DNAH11: variants seen among roughly 807,000 people sequenced by gnomAD.
The protein encoded by DNAH11 is dynein axonemal heavy chain 11.
In DNAH11, 442 loss-of-function variants were observed where a neutral mutation model predicts 526.0. That is an observed-to-expected ratio of 0.84 (90% CI 0.78 to 0.91). DNAH11 has a LOEUF of 0.91. Among genes scored for constraint, DNAH11 ranks in the 40% least tolerant of loss-of-function variants. DNAH11 has a pLI of 0.00. For synonymous variants in DNAH11, 2,461 were observed against 1,935.9 expected (o/e 1.27, Z -7.12); for missense variants, 6,989 against 5,448.7 (o/e 1.28, Z -8.90).
At position 21,894,651 on chromosome 7, in the gene DNAH11, A is replaced by G; in HGVS notation, c.12779A>G (p.Glu4260Gly). 1 of 1,613,920 alleles carries G rather than the reference A, an allele frequency of 6.2e-7. No individual in the cohort carries two copies. The highest frequency in any genetic ancestry group is 8.5e-7 in the Non-Finnish European group (1 of 1,179,872). ...KVKNVLDDILEKLPEEFNMAE... is the reference protein window; with the variant it reads ...KVKNVLDDILGKLPEEFNMAE... ...AAGAATGTCTTGGATGACATTTTGG[A>G]GAAACTTCCAGAAGAGTTCAACATG... is the stretch of plus-strand genomic sequence containing the variant. The change falls in exon 78 of 82, where the codon GAG (glutamate) becomes GGG (glycine). Residue 4260 changes from glutamate (E) to glycine (G), a missense_variant. Glu to Gly is a moderately conservative substitution (Grantham distance 98). Coordinates refer to ENST00000409508, the MANE Select transcript of DNAH11 (RefSeq NM_001277115.2).
chr7:21,559,758 T>C lies in DNAH11; in HGVS notation c.848T>C (p.Met283Thr). 1 of 1,606,310 alleles carries C rather than the reference T, an allele frequency of 6.2e-7. No homozygotes were observed. The highest frequency in any genetic ancestry group is 8.5e-7 in the Non-Finnish European group (1 of 1,175,914). ...SPQAELDFWM[M>T]RRENLSCIYD... Reference sequence around the variant, plus strand: ...CAAGCAGAACTAGATTTCTGGATGATGAGGAGAGAAAATCTGTCATGCATT... The same window carrying C: ...CAAGCAGAACTAGATTTCTGGATGACGAGGAGAGAAAATCTGTCATGCATT... Residue 283 changes from methionine to threonine, a missense_variant, in exon 4 of 82, where the codon ATG becomes ACG. Physicochemically the swap from Met to Thr is moderately conservative, Grantham distance 81. Transcript: ENST00000409508.
chr7:21,733,798 C>G (rs1785489703), intron 45 of DNAH11, among the ~76,000 whole-genome samples: 4 of 152,110 alleles, frequency 2.6e-5, no homozygotes, highest in Admixed American at 1.3e-4. Context: ...GTAATGCAAT[C>G]CTTACATCAA....
At chr7:21,806,711 C>T (rs1208895711) in intron 62 of DNAH11, among the ~76,000 whole-genome samples, 1 of 152,080 alleles carries the variant, frequency 6.6e-6, no homozygotes, top group Non-Finnish European at 1.5e-5. Context: ...TTTGCATGTT[C>T]TTAAAATGTA....
At chr7:21,869,467 T>TG (rs112612507) in intron 73 of DNAH11, among the ~76,000 whole-genome samples, 9,829 of 150,430 alleles carry the variant, frequency 0.065, 499 homozygotes, top group African/African-American at 0.13. Context: ...CATTGAAGGG[T>TG]GGGGGGAATG....
chr7:21,609,289 C>G (rs900582831), intron 20 of DNAH11, among the ~76,000 whole-genome samples: 1 of 152,142 alleles, frequency 6.6e-6, no homozygotes, highest in Non-Finnish European at 1.5e-5. Context: ...GATCTCAGCT[C>G]ACTACAACCT....
chr7:21,709,540 G>A (rs1442065145), intron 40 of DNAH11, among the ~76,000 whole-genome samples: 1 of 152,144 alleles, frequency 6.6e-6, no homozygotes. Flanking sequence ...GTATACCCAT[G>A]CAACAAACCT....
At chr7:21,720,127 C>T (rs10257510) in intron 43 of DNAH11, among the ~76,000 whole-genome samples, 54,630 of 152,108 alleles carry the variant, frequency 0.36, 10,449 homozygotes, top group South Asian at 0.45. Flanking sequence ...AAATTTAGTT[C>T]GGTGTCCAAA....
At chr7:21,561,373 G>A (rs1783453406) in intron 5 of DNAH11, 1 of 430,484 alleles carries the variant, frequency 2.3e-6, no homozygotes, top group South Asian at 5.5e-5. Flanking sequence ...GTATATAGTA[G>A]TACCTGCCAA....
chr7:21,778,098 T>C (rs573318787), intron 56 of DNAH11, among the ~76,000 whole-genome samples: 1 of 152,230 alleles, frequency 6.6e-6, no homozygotes, highest in Non-Finnish European at 1.5e-5. Flanking sequence ...TTTTTTTCTC[T>C]AGTACCTCAC....
chr7:21,765,459 C>G lies in DNAH11; in HGVS notation c.8972C>G (p.Thr2991Arg). The G allele has an allele frequency of 6.2e-7, 1 of 1,613,818 alleles. No homozygotes were observed. Among genetic ancestry groups the G allele is most frequent in the Non-Finnish European group, 8.5e-7 (1 of 1,179,792 alleles). Reference protein sequence around the residue: ...IILCFSPVGRTLRVRARKFPA... With the variant: ...IILCFSPVGRRLRVRARKFPA... Reference sequence around the variant, plus strand: ...TTGTGTTTCTCTCCAGTTGGTCGCACGCTGAGAGTTAGAGCTCGGAAGTTC... The same window carrying G: ...TTGTGTTTCTCTCCAGTTGGTCGCAGGCTGAGAGTTAGAGCTCGGAAGTTC... Residue 2991 changes from threonine to arginine, a missense_variant, in exon 55 of 82, where the codon ACG becomes AGG. Thr to Arg is a moderately conservative substitution (Grantham distance 71). Coordinates refer to ENST00000409508, the MANE Select transcript of DNAH11 (RefSeq NM_001277115.2).
intron 6 of DNAH11, among the ~76,000 whole-genome samples, chr7:21,568,535 C>G (rs1562667041): frequency 6.6e-6 from 1 of 152,128 alleles, no homozygotes; most frequent in Admixed American, 6.6e-5. Context: ...CACGTTCTGC[C>G]TCCCCGTGCA....
intron 20 of DNAH11, among the ~76,000 whole-genome samples, chr7:21,610,544 T>C (rs557435868): frequency 3.9e-5 from 6 of 152,186 alleles, no homozygotes; most frequent in Admixed American, 1.3e-4. Context: ...TAAGAGTCAG[T>C]TGAAAGAAAC....
At chr7:21,547,579 T>C (rs1239654446) in intron 2 of DNAH11, among the ~76,000 whole-genome samples, 1 of 152,232 alleles carries the variant, frequency 6.6e-6, no homozygotes, top group Non-Finnish European at 1.5e-5. Context: ...TGTTATACCC[T>C]GGCCCCCTTC....
chr7:21,730,052 A>G (rs1279097265), intron 45 of DNAH11, among the ~76,000 whole-genome samples: 1 of 152,252 alleles, frequency 6.6e-6, no homozygotes, highest in African/African-American at 2.4e-5. Flanking sequence ...TAGTATAGCC[A>G]TTATGGAAAA....
At chr7:21,678,978 C>T (rs1044898099) in intron 30 of DNAH11, among the ~76,000 whole-genome samples, 1 of 152,046 alleles carries the variant, frequency 6.6e-6, no homozygotes, top group Non-Finnish European at 1.5e-5. Flanking sequence ...AGAAAAAACC[C>T]AAGTATTCAT....
chr7:21,743,002 A>G (rs886275378), intron 49 of DNAH11, among the ~76,000 whole-genome samples: 1 of 152,246 alleles, frequency 6.6e-6, no homozygotes, highest in Admixed American at 6.5e-5. Flanking sequence ...CAGAAAGGAC[A>G]GAGCAAATCG....
intron 8 of DNAH11, 31 bp downstream of exon 8, chr7:21,572,004 TG>T: frequency 6.9e-7 from 1 of 1,457,168 alleles, no homozygotes. Context: ...TTTCATTGCA[TG>T]GGATCCTATA....
intron 8 of DNAH11, among the ~76,000 whole-genome samples, chr7:21,574,598 C>T (rs140706591): frequency 0.16 from 21,998 of 133,338 alleles, 2,277 homozygotes; most frequent in East Asian, 0.53. Flanking sequence ...GAGTCTCACT[C>T]TGTCGCCCAG....
intron 25 of DNAH11, among the ~76,000 whole-genome samples, chr7:21,627,407 T>C (rs1233091167): frequency 6.6e-6 from 1 of 152,200 alleles, no homozygotes; most frequent in Non-Finnish European, 1.5e-5. Context: ...GTTTTATAGT[T>C]TCAGGTCTTA....
Sources: gnomAD v4.1 joint callset for allele counts (sites outside exome capture counted in the v4.1 genomes callset) on GRCh38, gnomAD v4.1.1 for gene constraint, MANE v1.5 for transcripts, NCBI Gene and HGNC (gene_info 2026-07-23, HGNC 2026-07-21) for gene names.